Variants in KIF26B observed in about 807,000 individuals in gnomAD.
The protein encoded by KIF26B is kinesin family member 26B, also known as kinesin-like protein KIF26B.
Under a neutral mutation model 151.2 loss-of-function variants are expected in KIF26B, and 63 were observed. The ratio of observed to expected loss-of-function variants is 0.42; its 90% CI spans 0.34 to 0.51. The LOEUF (loss-of-function observed/expected upper bound fraction) is 0.51, where lower values mean the gene tolerates loss of function less well. KIF26B is among the 20% of genes least tolerant of loss of function. The probability of loss-of-function intolerance (pLI) is 0.07; values close to 1 mark genes in which losing one functional copy is unlikely to be tolerated. For missense variants in KIF26B, 2,813 were observed against 2,913.6 expected (o/e 0.97, Z 0.79); for synonymous variants, 1,357 against 1,262.1 (o/e 1.08, Z -1.59).
chr1:245,283,188 AG>A, intron 2 of KIF26B: 1 of 158,358 alleles, frequency 6.3e-6, no homozygotes. Flanking sequence ...AGAGCAACAC[AG>A]CCACTGACAG....
chr1:245,670,410 G>A (rs754673064), intron 10 of KIF26B, among the ~76,000 whole-genome samples: 2 of 151,600 alleles, frequency 1.3e-5, no homozygotes, highest in African/African-American at 2.4e-5. Flanking sequence ...TAAGTTTAGA[G>A]TGTAGTATGT....
chr1:245,528,134 C>A (rs1661281405), intron 4 of KIF26B, among the ~76,000 whole-genome samples: 1 of 152,122 alleles, frequency 6.6e-6, no homozygotes, highest in Non-Finnish European at 1.5e-5. Context: ...GATCCACCCA[C>A]ACTGGCGCCG....
At chr1:245,255,389 C>T (rs1004347984) in intron 2 of KIF26B, among the ~76,000 whole-genome samples, 3 of 152,222 alleles carry the variant, frequency 2.0e-5, no homozygotes, top group Non-Finnish European at 4.4e-5. Context: ...GGAGAAGTCT[C>T]TGAACATTCC....
chr1:245,637,399 C>T (rs1363835378), intron 9 of KIF26B, among the ~76,000 whole-genome samples: 2 of 151,860 alleles, frequency 1.3e-5, no homozygotes, highest in East Asian at 1.9e-4. Flanking sequence ...TTGAATTCCT[C>T]ATATATTCTG....
chr1:245,545,802 A>AGTCAAC (rs11282899), intron 5 of KIF26B, among the ~76,000 whole-genome samples: 107,554 of 151,366 alleles, frequency 0.71, 38,554 homozygotes, highest in East Asian at 0.79. Flanking sequence ...CTCCTAAGTC[A>AGTCAAC]GTTCTTCATG....
At chr1:245,325,115 A>G (rs567777491) in intron 2 of KIF26B, among the ~76,000 whole-genome samples, 85 of 151,806 alleles carry the variant, frequency 5.6e-4, no homozygotes, top group African/African-American at 2.0e-3. Flanking sequence ...AAAAAAAGAA[A>G]AAAAGAAAAA....
chr1:245,440,818 A>G (rs751505625), intron 4 of KIF26B, among the ~76,000 whole-genome samples: 5 of 152,352 alleles, frequency 3.3e-5, no homozygotes, highest in Middle Eastern at 3.4e-3. Flanking sequence ...GCGAGGATCT[A>G]GAAGCCCCTT....
chr1:245,533,857 C>G (rs560046803), intron 4 of KIF26B, among the ~76,000 whole-genome samples: 1 of 152,142 alleles, frequency 6.6e-6, no homozygotes, highest in South Asian at 2.1e-4. Context: ...AAGACTTTCC[C>G]TGCACTTAAA....
At chr1:245,678,735 T>G (rs532260763) in intron 10 of KIF26B, among the ~76,000 whole-genome samples, 1 of 151,948 alleles carries the variant, frequency 6.6e-6, no homozygotes, top group Admixed American at 6.6e-5. Flanking sequence ...TGGTGGTGCA[T>G]GCCTGTAGTT....
Position 245,239,960 on chromosome 1 carries a change from G to A in KIF26B, c.465+83277G>A, listed in dbSNP as rs1670183991. 6.6e-6 allele frequency among the ~76,000 whole-genome samples: 1 copy of A among 152,026 alleles called. No individual in the cohort carries two copies. Among genetic ancestry groups the A allele is most frequent in the Non-Finnish European group, 1.5e-5 (1 of 67,974 alleles). On this transcript the variant is annotated intron_variant, in intron 2 of 14. Coordinates refer to ENST00000407071, the MANE Select transcript of KIF26B (RefSeq NM_018012.4). The surrounding 1 kb of genome is among the most constrained non-coding windows in gnomAD (Gnocchi z 4.3). Reference sequence around the variant, plus strand: ...GGAGGCCGAGGCGGGCGGATCACTTGAGGTCAGGAGTTTGAGACCAGCCTG... The same window carrying A: ...GGAGGCCGAGGCGGGCGGATCACTTAAGGTCAGGAGTTTGAGACCAGCCTG...
chr1:245,647,683 A>G (rs2043969295), intron 10 of KIF26B, among the ~76,000 whole-genome samples: 1 of 152,166 alleles, frequency 6.6e-6, no homozygotes, highest in African/African-American at 2.4e-5. Context: ...CGGGCAGTGT[A>G]TTCTATAATT....
intron 10 of KIF26B, among the ~76,000 whole-genome samples, chr1:245,659,678 T>TA (rs2044112794): frequency 6.6e-6 from 1 of 152,042 alleles, no homozygotes; most frequent in African/African-American, 2.4e-5. Flanking sequence ...GTGCACAAAT[T>TA]AGAGTACAAG....
At chr1:245,171,215 T>C (rs146765892) in intron 2 of KIF26B, among the ~76,000 whole-genome samples, 2 of 152,216 alleles carry the variant, frequency 1.3e-5, no homozygotes, top group Non-Finnish European at 2.9e-5. Flanking sequence ...ACATTATATC[T>C]CTTCAGCACA....
At chr1:245,467,086 G>A (rs907685978) in intron 4 of KIF26B, among the ~76,000 whole-genome samples, 3 of 152,192 alleles carry the variant, frequency 2.0e-5, no homozygotes, top group Non-Finnish European at 4.4e-5. Context: ...TGCTAAAAAT[G>A]GCTGTTTTTG....
At chr1:245,201,398 T>C (rs1669299108) in intron 2 of KIF26B, among the ~76,000 whole-genome samples, 1 of 152,246 alleles carries the variant, frequency 6.6e-6, no homozygotes, top group Non-Finnish European at 1.5e-5. Flanking sequence ...ATTTAAATGC[T>C]AGTAAGGGCT....
At chr1:245,236,527 A>G (rs953895350) in intron 2 of KIF26B, among the ~76,000 whole-genome samples, 13 of 152,232 alleles carry the variant, frequency 8.5e-5, no homozygotes, top group Non-Finnish European at 1.9e-4. Context: ...ATTTAAAAGA[A>G]CCTTTAAGTG....
intron 2 of KIF26B, among the ~76,000 whole-genome samples, chr1:245,179,713 C>G (rs1462856074): frequency 6.6e-6 from 1 of 152,178 alleles, no homozygotes; most frequent in Non-Finnish European, 1.5e-5. Context: ...AACAAGCAAA[C>G]AACTGTCGTA....
intron 2 of KIF26B, among the ~76,000 whole-genome samples, chr1:245,254,553 G>A (rs534381409): frequency 1.3e-5 from 2 of 152,352 alleles, no homozygotes; most frequent in South Asian, 2.1e-4. Context: ...TTGGGTCTGA[G>A]CAGTTCCTAT....
Position 245,707,474 on chromosome 1 carries a change from G to C in KIF26B, c.*4868G>C, listed in dbSNP as rs571932843. On this transcript the variant is annotated 3_prime_UTR_variant, in exon 15 of 15. Transcript: ENST00000407071. ...AGTTCTAATTTATTTGTGAACTCAG[G>C]ATGTTGCTTTACAGCATTGCTCGTG... 6.6e-6 allele frequency: 1 copy of C among 152,200 alleles called. No individual in the cohort carries two copies. Among genetic ancestry groups the C allele is most frequent in the East Asian group, 1.9e-4 (1 of 5,204 alleles). The allele number at this position is 152,200 out of a possible 1,614,324, so 9.4% of individuals were successfully genotyped here. A position where few individuals can be genotyped will look rare whatever the true frequency, so the allele number is the denominator to read the frequency against.
Sources: allele counts gnomAD v4.1 joint callset (sites outside exome capture counted in the v4.1 genomes callset), GRCh38; gene constraint gnomAD v4.1.1; non-coding constraint Gnocchi (gnomAD v3.1); transcripts MANE v1.5; gene names NCBI Gene and HGNC (gene_info 2026-07-23, HGNC 2026-07-21).